The following MYO1D variants were observed in gnomAD, a reference collection of about 807,000 sequenced individuals.
MYO1D encodes unconventional myosin-Id.
MYO1D carries 83 observed loss-of-function variants against 122.0 expected under a neutral mutation model. The observed-to-expected ratio is 0.68, with a 90% CI of 0.57 to 0.82. The LOEUF (loss-of-function observed/expected upper bound fraction) is 0.82. Ranked by LOEUF, MYO1D falls within the 40% of genes least tolerant of loss-of-function variation. The pLI, the probability that MYO1D is intolerant of heterozygous loss-of-function variation, is 0.00. For synonymous variants in MYO1D, 464 were observed against 446.9 expected (o/e 1.04, Z -0.48); for missense variants, 1,157 against 1,269.5 (o/e 0.91, Z 1.35).
chr17:32,639,265 G>A (rs2934233), intron 19 of MYO1D, among the ~76,000 whole-genome samples: 111,092 of 151,958 alleles, frequency 0.73, 40,877 homozygotes, highest in African/African-American at 0.81. Context: ...ATCTGAGACT[G>A]GTATATAGGG....
intron 21 of MYO1D, among the ~76,000 whole-genome samples, chr17:32,554,114 T>C (rs1597894107): frequency 6.6e-6 from 1 of 152,212 alleles, no homozygotes; most frequent in South Asian, 2.1e-4. Context: ...TTCAGTTGCC[T>C]GCCCTCCTGA....
At chr17:32,695,365 G>A (rs1264451701) in intron 16 of MYO1D, among the ~76,000 whole-genome samples, 2 of 152,180 alleles carry the variant, frequency 1.3e-5, no homozygotes, top group Admixed American at 6.6e-5. Flanking sequence ...GCTGCTGTGC[G>A]GCCTGGTTCC....
Position 32,612,832 on chromosome 17 carries a change from G to A in MYO1D, c.2710-7591C>T, listed in dbSNP as rs553747260. 5.3e-5 allele frequency among the ~76,000 whole-genome samples: 8 copies of A among 151,632 alleles called. 1 individual carries two copies. In the East Asian group the frequency reaches 1.2e-3, roughly 22 times the overall value. On this transcript the variant is annotated intron_variant, in intron 20 of 21. Coordinates refer to ENST00000318217, the MANE Select transcript of MYO1D (RefSeq NM_015194.3). ...TGCCCAGGCTGGAGTGCAGTGGCAC[G>A]ATCTCGGCTCACTGCAGCCTCTACC...
At chr17:32,829,272 G>A (rs887447582) in intron 1 of MYO1D, among the ~76,000 whole-genome samples, 2 of 152,072 alleles carry the variant, frequency 1.3e-5, no homozygotes, top group East Asian at 3.9e-4. Context: ...CCACCTTTTG[G>A]GACAGATATT....
At chr17:32,664,066 A>G (rs1799075194) in intron 16 of MYO1D, among the ~76,000 whole-genome samples, 1 of 152,228 alleles carries the variant, frequency 6.6e-6, no homozygotes, top group Admixed American at 6.5e-5. Flanking sequence ...ACCTGCAGTT[A>G]TATCACCAAC....
At chr17:32,593,872 G>A (rs2087462809) in intron 21 of MYO1D, among the ~76,000 whole-genome samples, 1 of 152,252 alleles carries the variant, frequency 6.6e-6, no homozygotes, top group Non-Finnish European at 1.5e-5. Flanking sequence ...GGCAGGCAGA[G>A]GTTGCAGTGA....
chr17:32,564,898 C>T (rs2087158525), intron 21 of MYO1D, among the ~76,000 whole-genome samples: 1 of 152,210 alleles, frequency 6.6e-6, no homozygotes, highest in South Asian at 2.1e-4. Flanking sequence ...AAACAGCATA[C>T]CCCCCATCTC....
intron 20 of MYO1D, among the ~76,000 whole-genome samples, chr17:32,610,374 T>C (rs374209769): frequency 9.9e-5 from 15 of 152,178 alleles, no homozygotes; most frequent in Admixed American, 3.3e-4. Context: ...GGGAAAACAG[T>C]ACTTAAGTTG....
chr17:32,876,398 G>C (rs1008657907), intron 1 of MYO1D, among the ~76,000 whole-genome samples: 5 of 152,158 alleles, frequency 3.3e-5, no homozygotes, highest in African/African-American at 1.2e-4. Flanking sequence ...CGCAACTCTC[G>C]TTCAAGTTAT....
chr17:32,754,524 C>T (rs901454635), intron 11 of MYO1D, among the ~76,000 whole-genome samples: 9 of 152,156 alleles, frequency 5.9e-5, no homozygotes, highest in African/African-American at 1.2e-4. Context: ...TATTTCTTGA[C>T]GATTTGGGCT....
chr17:32,545,111 T>C (rs1427554949), intron 21 of MYO1D, among the ~76,000 whole-genome samples: 2 of 152,182 alleles, frequency 1.3e-5, no homozygotes, highest in African/African-American at 4.8e-5. Flanking sequence ...CTCTGGCCTC[T>C]CCCGCTGAAT....
intron 14 of MYO1D, among the ~76,000 whole-genome samples, chr17:32,730,994 C>A (rs1215816223): frequency 6.6e-6 from 1 of 151,240 alleles, no homozygotes; most frequent in Non-Finnish European, 1.5e-5. Flanking sequence ...GCAACCTCTG[C>A]CTCCCGGGTT....
chr17:32,807,291 ACT>A (rs1337801199), intron 1 of MYO1D, among the ~76,000 whole-genome samples: 2 of 152,064 alleles, frequency 1.3e-5, no homozygotes, highest in African/African-American at 4.8e-5. Flanking sequence ...CCTTAGTTCC[ACT>A]CTCTAGAGGT....
chr17:32,506,463 C>G (rs905648393), intron 21 of MYO1D, among the ~76,000 whole-genome samples: 5 of 151,984 alleles, frequency 3.3e-5, no homozygotes, highest in African/African-American at 1.2e-4. Context: ...TAATGGGAAA[C>G]AGATACAGTA....
At position 32,876,914 on chromosome 17, in the gene MYO1D, G is replaced by T; in HGVS notation, c.-42C>A. 1 of 1,320,784 alleles carries T rather than the reference G, an allele frequency of 7.6e-7. No individual in the cohort carries two copies. Among genetic ancestry groups the T allele is most frequent in the Non-Finnish European group, 1.0e-6 (1 of 996,986 alleles). 81.8% of individuals were successfully genotyped at this position (1,320,784 alleles called of 1,614,324 possible). On this transcript the variant is annotated 5_prime_UTR_variant, in exon 1 of 22. Coordinates refer to ENST00000318217, the MANE Select transcript of MYO1D (RefSeq NM_015194.3). ...CTCAGGTGGGCGCGCTCGGGCCTCC[G>T]GGGCCGCTCCGTGGGCCCGCGATGA...
At chr17:32,728,012 T>C (rs2089595838) in intron 14 of MYO1D, among the ~76,000 whole-genome samples, 1 of 152,190 alleles carries the variant, frequency 6.6e-6, no homozygotes, top group Non-Finnish European at 1.5e-5. Context: ...CTAACTTGAA[T>C]GAGCCTAACA....
Position 32,787,563 on chromosome 17 carries a change from C to T in MYO1D, c.96-6779G>A, listed in dbSNP as rs543457377. Among the ~76,000 whole-genome samples, 20 of 152,118 alleles carry T rather than the reference C, an allele frequency of 1.3e-4. 1 individual carries two copies. Among genetic ancestry groups the T allele is most frequent in the African/African-American group, 4.1e-4 (17 of 41,490 alleles). On this transcript the variant is annotated intron_variant, in intron 1 of 21. Coordinates refer to ENST00000318217, the MANE Select transcript of MYO1D (RefSeq NM_015194.3). ...CCTCCCAAGTAGCTGGGACTACAGGCGCCCACCACCACGCCTGGCTAATTT... is the reference window on the plus strand; with the variant it reads ...CCTCCCAAGTAGCTGGGACTACAGGTGCCCACCACCACGCCTGGCTAATTT...
intron 1 of MYO1D, among the ~76,000 whole-genome samples, chr17:32,808,081 AT>A (rs1241733625): frequency 6.6e-6 from 1 of 152,092 alleles, no homozygotes; most frequent in Non-Finnish European, 1.5e-5. Flanking sequence ...GTGGGGGAAA[AT>A]TTCTTCAAGT....
chr17:32,830,888 C>T (rs2090766000), intron 1 of MYO1D, among the ~76,000 whole-genome samples: 1 of 152,140 alleles, frequency 6.6e-6, no homozygotes, highest in Admixed American at 6.5e-5. Flanking sequence ...AAACCCGTCT[C>T]TACTAAAAAT....
Sources: gnomAD v4.1 joint callset for allele counts (sites outside exome capture counted in the v4.1 genomes callset) on GRCh38, gnomAD v4.1.1 for gene constraint, MANE v1.5 for transcripts, NCBI Gene and HGNC (gene_info 2026-07-23, HGNC 2026-07-21) for gene names.